The following MTMR2 variants were observed in gnomAD, a reference collection of about 807,000 sequenced individuals.
MTMR2 encodes the protein myotubularin related protein 2.
A neutral mutation model predicts 86.9 loss-of-function variants in MTMR2; 55 were observed. The ratio of observed to expected loss-of-function variants is 0.63; its 90% CI spans 0.51 to 0.79. MTMR2 has a LOEUF of 0.79. Ranked by LOEUF, MTMR2 falls within the 30% of genes least tolerant of loss-of-function variation. MTMR2 has a pLI of 0.00. For synonymous variants in MTMR2, 241 were observed against 266.8 expected, an observed-to-expected ratio of 0.90 and a Z score of 0.94; for missense variants, 659 against 772.3, an observed-to-expected ratio of 0.85 and a Z score of 1.74.
At chr11:95,903,329 C>A (rs887688790) in intron 1 of MTMR2, among the ~76,000 whole-genome samples, 1 of 152,196 alleles carries the variant, frequency 6.6e-6, no homozygotes, top group African/African-American at 2.4e-5. Flanking sequence ...TCACTTCTCG[C>A]TTTTCCCAGC....
At chr11:95,846,789 G>C (rs964156313) in intron 10 of MTMR2, among the ~76,000 whole-genome samples, 2 of 152,078 alleles carry the variant, frequency 1.3e-5, no homozygotes, top group African/African-American at 2.4e-5. Context: ...ATAATTTAAT[G>C]AATGGGCCAC....
chr11:95,857,737 A>G, intron 6 of MTMR2, 102 bp from the exon 7 acceptor site: 1 of 755,244 alleles, frequency 1.3e-6, no homozygotes, highest in Non-Finnish European at 2.3e-6. Flanking sequence ...ATTTATCTGC[A>G]AGAACATTTT....
chr11:95,877,570 A>G (rs931178444), intron 2 of MTMR2, among the ~76,000 whole-genome samples: 10 of 152,020 alleles, frequency 6.6e-5, no homozygotes, highest in Admixed American at 5.2e-4. Flanking sequence ...GTGCCTTAGA[A>G]TGTGACCTAA....
chr11:95,854,453 C>A (rs1372687078), intron 7 of MTMR2, among the ~76,000 whole-genome samples: 2 of 152,106 alleles, frequency 1.3e-5, no homozygotes, highest in South Asian at 2.1e-4. Flanking sequence ...TGCAGAAGAC[C>A]GTGCTCGTTA....
chr11:95,865,315 G>A (rs1254202373), intron 3 of MTMR2: 1 of 407,814 alleles, frequency 2.5e-6, no homozygotes, highest in East Asian at 4.0e-5. Context: ...TTCAGCAACA[G>A]TTTTAGCAAA....
At chr11:95,895,600 T>C (rs543115460) in intron 1 of MTMR2, among the ~76,000 whole-genome samples, 2 of 152,154 alleles carry the variant, frequency 1.3e-5, no homozygotes, top group East Asian at 1.9e-4. Flanking sequence ...AAACAGACAA[T>C]AGCAGGTGTT....
At chr11:95,902,952 T>C (rs1866126153) in intron 1 of MTMR2, among the ~76,000 whole-genome samples, 1 of 152,190 alleles carries the variant, frequency 6.6e-6, no homozygotes. Flanking sequence ...AGTCACTCTC[T>C]CTCACTCCTT....
At chr11:95,852,438 A>G (rs541033957) in intron 7 of MTMR2, among the ~76,000 whole-genome samples, 3 of 152,342 alleles carry the variant, frequency 2.0e-5, no homozygotes, top group African/African-American at 7.2e-5. Context: ...GTTTCCAAAC[A>G]CCCAGAAGGA....
chr11:95,900,887 T>C (rs1278151582), intron 1 of MTMR2, among the ~76,000 whole-genome samples: 1 of 152,224 alleles, frequency 6.6e-6, no homozygotes, highest in Non-Finnish European at 1.5e-5. Flanking sequence ...ATGTCATTAA[T>C]GACCTCAGGA....
intron 3 of MTMR2, chr11:95,865,301 A>C: frequency 2.7e-6 from 1 of 367,488 alleles, no homozygotes; most frequent in Admixed American, 4.1e-5. Context: ...TTTCCTTCAC[A>C]GGCTTCAGCA....
Position 95,888,255 on chromosome 11 carries a change from G to A in MTMR2, c.87C>T (p.Ser29=). ...GCACTGAATTCTCTGAATGAGAAGT[G>A]GAGGCACTACAAAATACAAAAGTAC... ...PPSVDSLSSA[S]TSHSENSVHT... is the part of the protein sequence containing the mutation. The change falls in exon 2 of 15, where the codon TCC becomes TCT. Residue 29 remains serine, a synonymous_variant. Transcript: ENST00000346299. 6.2e-7 allele frequency: 1 copy of A among 1,611,978 alleles called. No homozygotes were observed.
At chr11:95,880,837 T>A (rs2135529690) in intron 2 of MTMR2, among the ~76,000 whole-genome samples, 1 of 152,208 alleles carries the variant, frequency 6.6e-6, no homozygotes, top group East Asian at 1.9e-4. Context: ...TAATCTTTTA[T>A]CAGTTACACA....
chr11:95,840,554 A>AT (rs1863501334), intron 12 of MTMR2, among the ~76,000 whole-genome samples: 1 of 152,174 alleles, frequency 6.6e-6, no homozygotes, highest in Non-Finnish European at 1.5e-5. Flanking sequence ...TGAATTGTAT[A>AT]CACCTTTTCA....
At chr11:95,889,423 G>A (rs1431544384) in intron 1 of MTMR2, among the ~76,000 whole-genome samples, 2 of 150,746 alleles carry the variant, frequency 1.3e-5, no homozygotes, top group African/African-American at 4.9e-5. Context: ...GTGAGCCACT[G>A]CGCCTGGCCA....
intron 1 of MTMR2, among the ~76,000 whole-genome samples, chr11:95,894,789 A>G (rs1176794767): frequency 6.6e-6 from 1 of 152,136 alleles, no homozygotes; most frequent in African/African-American, 2.4e-5. Context: ...TTAAGTCCTA[A>G]AAAGGACTAA....
At chr11:95,861,194 G>GATAGGTGAT (rs1301313097) in intron 5 of MTMR2, among the ~76,000 whole-genome samples, 3 of 150,390 alleles carry the variant, frequency 2.0e-5, no homozygotes, top group Admixed American at 2.0e-4. Context: ...AAACAGAAAA[G>GATAGGTGAT]ATAGGTGATG....
chr11:95,833,093 C>G lies in MTMR2; in HGVS notation c.*2197G>C, dbSNP rs1192159263. The G allele has an allele frequency of 1.3e-5, 2 of 152,120 alleles. No homozygotes were observed. Among genetic ancestry groups the G allele is most frequent in the Non-Finnish European group, 2.9e-5 (2 of 68,064 alleles). 9.4% of individuals were successfully genotyped at this position (152,120 alleles called of 1,614,324 possible). On this transcript the variant is annotated 3_prime_UTR_variant, in exon 15 of 15. Coordinates refer to ENST00000346299, the MANE Select transcript of MTMR2 (RefSeq NM_016156.6). ...CCCAAAGGAAGAGATGATGCCTAAA[C>G]TCTAGAAAATAGGAATTAGTCACAA...
In MTMR2 at chr11:95,833,363, T is replaced by G. The variant is rs545706978; in HGVS notation, c.*1927A>C. On this transcript the variant is annotated 3_prime_UTR_variant, in exon 15 of 15. Transcript: ENST00000346299. ...CACAACCAATAGACATACAAAGTTA[T>G]GAAACATGTAACTGTCAATTCAAAT... 1 of 152,118 alleles carries G rather than the reference T, an allele frequency of 6.6e-6. No homozygotes were observed. Among genetic ancestry groups the G allele is most frequent in the African/African-American group, 2.4e-5 (1 of 41,440 alleles). 9.4% of individuals were successfully genotyped at this position (152,118 alleles called of 1,614,324 possible).
At chr11:95,864,988 C>A (rs1864559865) in intron 3 of MTMR2, among the ~76,000 whole-genome samples, 1 of 151,916 alleles carries the variant, frequency 6.6e-6, no homozygotes. Flanking sequence ...TGTAGATTAT[C>A]ACACAGATGA....
Sources: gnomAD v4.1 joint callset for allele counts (sites outside exome capture counted in the v4.1 genomes callset) on GRCh38, gnomAD v4.1.1 for gene constraint, MANE v1.5 for transcripts, NCBI Gene and HGNC (gene_info 2026-07-23, HGNC 2026-07-21) for gene names.